The following FYB1 variants were observed in gnomAD, a reference collection of about 807,000 sequenced individuals.
FYB1 encodes the protein FYN-binding protein 1.
A neutral mutation model predicts 94.1 loss-of-function variants in FYB1; 41 were observed. The ratio of observed to expected loss-of-function variants is 0.44; its 90% CI spans 0.34 to 0.57. The LOEUF is 0.57. FYB1 is among the 20% of genes least tolerant of loss of function. The pLI, the probability that FYB1 is intolerant of heterozygous loss-of-function variation, is 0.02. For synonymous variants in FYB1, 367 were observed against 353.2 expected (o/e 1.04, Z -0.44); for missense variants, 1,050 against 976.8 (o/e 1.07, Z -1.00).
At chr5:39,137,819 T>C in intron 6 of FYB1, 99 bp from the exon 7 acceptor site, 1 of 1,467,396 alleles carries the variant, frequency 6.8e-7, no homozygotes, top group Non-Finnish European at 9.1e-7. Context: ...AAAGGTGGTA[T>C]CTGAAGTACA....
chr5:39,258,818 C>T (rs1579800315), intron 1 of FYB1, among the ~76,000 whole-genome samples: 1 of 152,096 alleles, frequency 6.6e-6, no homozygotes, highest in Non-Finnish European at 1.5e-5. Context: ...GAAGATAAAT[C>T]TTTCTGTTTT....
intron 1 of FYB1, among the ~76,000 whole-genome samples, chr5:39,232,322 A>G (rs140195930): frequency 1.7e-3 from 258 of 152,216 alleles, no homozygotes; most frequent in African/African-American, 6.0e-3. Flanking sequence ...ATGAAACTAA[A>G]GAAATGAATA....
Position 39,210,764 on chromosome 5 carries a change from T to C in FYB1, c.-27-7777A>G, listed in dbSNP as rs191573369. Among the ~76,000 whole-genome samples the C allele has an allele frequency of 2.3e-3, 354 of 152,322 alleles. 2 individuals carry two copies. The highest frequency in any genetic ancestry group is 8.2e-3 in the African/African-American group (342 of 41,580). On this transcript the variant is annotated intron_variant, in intron 1 of 18. Coordinates refer to ENST00000512982, the MANE Select transcript of FYB1 (RefSeq NM_001465.6). ...GATAGTGCATTCCTGTGGTCCTAGC[T>C]ACTCAGGAGGCTGATGTGGGAAGAC...
intron 15 of FYB1, 135 bp downstream of exon 15, chr5:39,119,400 T>C: frequency 1.7e-6 from 1 of 578,904 alleles, no homozygotes; most frequent in Non-Finnish European, 2.9e-6. Flanking sequence ...GTAATATTGA[T>C]AATTACACTT....
At chr5:39,216,963 T>A (rs1282383116) in intron 1 of FYB1, among the ~76,000 whole-genome samples, 1 of 152,160 alleles carries the variant, frequency 6.6e-6, no homozygotes, top group Admixed American at 6.5e-5. Context: ...TTAGCAGAGG[T>A]AGAAAAACAA....
intron 1 of FYB1, among the ~76,000 whole-genome samples, chr5:39,236,348 A>T (rs1177036056): frequency 6.6e-6 from 1 of 152,126 alleles, no homozygotes; most frequent in African/African-American, 2.4e-5. Context: ...TTTTGATAAT[A>T]TAATAACTTA....
chr5:39,124,581 G>A (rs1490374883), intron 12 of FYB1, among the ~76,000 whole-genome samples: 1 of 152,092 alleles, frequency 6.6e-6, no homozygotes, highest in African/African-American at 2.4e-5. Context: ...GCTATATGAG[G>A]TTTGGGCATA....
chr5:39,162,718 A>AT (rs60393235), intron 2 of FYB1, among the ~76,000 whole-genome samples: 69 of 148,746 alleles, frequency 4.6e-4, no homozygotes, highest in African/African-American at 1.2e-3. Context: ...CCGTTTAGTG[A>AT]TTTTTTTTTT....
At chr5:39,131,699 C>T (rs943365948) in intron 9 of FYB1, among the ~76,000 whole-genome samples, 2 of 152,132 alleles carry the variant, frequency 1.3e-5, no homozygotes, top group African/African-American at 4.8e-5. Context: ...TTTTTCCTGA[C>T]TCTTCCCTCT....
intron 2 of FYB1, among the ~76,000 whole-genome samples, chr5:39,179,333 G>A (rs2150418131): frequency 6.6e-6 from 1 of 152,218 alleles, no homozygotes; most frequent in Admixed American, 6.5e-5. Context: ...TGGAACAGCA[G>A]GATGGGTCTG....
chr5:39,115,875 C>T (rs1199989405), intron 16 of FYB1, among the ~76,000 whole-genome samples: 1 of 152,132 alleles, frequency 6.6e-6, no homozygotes, highest in African/African-American at 2.4e-5. Flanking sequence ...GCATCCTTAC[C>T]ACGTGAGTAC....
chr5:39,179,126 A>C (rs890322416), intron 2 of FYB1, among the ~76,000 whole-genome samples: 2 of 152,180 alleles, frequency 1.3e-5, no homozygotes, highest in Non-Finnish European at 2.9e-5. Context: ...CTACTTATGA[A>C]AATATCCATT....
chr5:39,177,306 T>A (rs1191033120), intron 2 of FYB1, among the ~76,000 whole-genome samples: 1 of 152,192 alleles, frequency 6.6e-6, no homozygotes, highest in African/African-American at 2.4e-5. Context: ...GGACTCTATT[T>A]CCTTGGGGTA....
At chr5:39,217,147 A>G (rs1475850211) in intron 1 of FYB1, among the ~76,000 whole-genome samples, 1 of 152,228 alleles carries the variant, frequency 6.6e-6, no homozygotes, top group African/African-American at 2.4e-5. Flanking sequence ...CTTATCAGTC[A>G]GCAACTATAT....
intron 7 of FYB1, among the ~76,000 whole-genome samples, chr5:39,135,993 C>T (rs1054593469): frequency 6.6e-6 from 1 of 152,126 alleles, no homozygotes; most frequent in Non-Finnish European, 1.5e-5. Flanking sequence ...AAGCTGAATT[C>T]TCCAGAAGAA....
At chr5:39,207,740 A>C (rs1748986717) in intron 1 of FYB1, among the ~76,000 whole-genome samples, 1 of 149,558 alleles carries the variant, frequency 6.7e-6, no homozygotes, top group Non-Finnish European at 1.5e-5. Context: ...TATTTCTTGG[A>C]TATTATGCTA....
chr5:39,222,674 G>A (rs1010649783), upstream of FYB1, among the ~76,000 whole-genome samples: 2 of 152,146 alleles, frequency 1.3e-5, no homozygotes, highest in Admixed American at 1.3e-4. Flanking sequence ...TATGAGGTGA[G>A]TTTAGTAACA....
chr5:39,261,839 A>G (rs934641676), intron 1 of FYB1, among the ~76,000 whole-genome samples: 1 of 152,242 alleles, frequency 6.6e-6, no homozygotes, highest in African/African-American at 2.4e-5. Flanking sequence ...GCCCAGAAGC[A>G]GAGTCCCACA....
rs1385232109 is a variant in FYB1 at position 39,204,826 on chromosome 5, C to A, written c.-27-1839G>T. On this transcript the variant is annotated intron_variant, in intron 1 of 18. Coordinates refer to ENST00000512982, the MANE Select transcript of FYB1 (RefSeq NM_001465.6). Reference sequence around the variant, plus strand: ...CAGGAACAGAAAAGCTAACACAGAGCAGCAAATTCCAACTTGAATTTTGTA... The same window carrying A: ...CAGGAACAGAAAAGCTAACACAGAGAAGCAAATTCCAACTTGAATTTTGTA... Among the ~76,000 whole-genome samples, 3 of 152,184 alleles carry A rather than the reference C, an allele frequency of 2.0e-5. No homozygotes were observed. The South Asian group carries it at 6.2e-4, about 31-fold the overall frequency.
Sources: gnomAD v4.1 joint callset for allele counts (sites outside exome capture counted in the v4.1 genomes callset) on GRCh38, gnomAD v4.1.1 for gene constraint, MANE v1.5 for transcripts, NCBI Gene and HGNC (gene_info 2026-07-23, HGNC 2026-07-21) for gene names.